Variants in NDUFC2 observed in about 807,000 individuals in gnomAD.
The protein encoded by NDUFC2 is NADH dehydrogenase [ubiquinone] 1 subunit C2.
Under a neutral mutation model 10.1 loss-of-function variants are expected in NDUFC2, and 2 were observed. The ratio of observed to expected loss-of-function variants is 0.20; its 90% confidence interval spans 0.08 to 0.62. The LOEUF is 0.62. Ranked by LOEUF, NDUFC2 falls within the 20% of genes least tolerant of loss-of-function variation. The pLI is 0.87. For synonymous variants in NDUFC2, 61 were observed against 63.6 expected (o/e 0.96, Z 0.20); for missense variants, 156 against 159.6 (o/e 0.98, Z 0.12).
rs1214317903 is a variant in NDUFC2, at chr11:78,068,992, G to T, written c.*995C>A. 1 of 151,902 alleles carries T rather than the reference G, an allele frequency of 6.6e-6. No individual in the cohort carries two copies. Among genetic ancestry groups the T allele is most frequent in the Non-Finnish European group, 1.5e-5 (1 of 68,008 alleles). The allele number at this position is 151,902 out of a possible 1,614,324, so 9.4% of individuals were successfully genotyped here. A position where few individuals can be genotyped will look rare whatever the true frequency, so the allele number is the denominator to read the frequency against. ...CATCCTCGAATTCCAGGGCTCAATA[G>T]ATCCTCCCACCTCAGCCTTATGAGT... On this transcript the variant is annotated 3_prime_UTR_variant, in exon 3 of 3. Coordinates refer to ENST00000281031, the MANE Select transcript of NDUFC2 (RefSeq NM_004549.6).
Position 78,069,597 on chromosome 11 carries a change from G to A in NDUFC2, c.*390C>T, listed in dbSNP as rs1858902244. On this transcript the variant is annotated 3_prime_UTR_variant, in exon 3 of 3. Transcript: ENST00000281031. The stretch of plus-strand genomic sequence containing the variant: ...TTCTGAAAGGGCTACATATTAATTA[G>A]GCTTTGCAGGCCATAGGTCTCTATC... 9.2e-6 allele frequency: 4 copies of A among 433,708 alleles called. No individual in the cohort carries two copies. The East Asian group carries it at 1.6e-4, about 17-fold the overall frequency. The allele number at this position is 433,708 out of a possible 1,614,324, so 26.9% of individuals were successfully genotyped here. A position where few individuals can be genotyped will look rare whatever the true frequency, so the allele number is the denominator to read the frequency against.
chr11:78,072,845 G>A lies in NDUFC2; in HGVS notation c.310+153C>T, dbSNP rs775414796. 1.7e-4 allele frequency: 185 copies of A among 1,097,576 alleles called. 1 individual carries two copies. The highest frequency in any genetic ancestry group is 2.0e-4 in the Non-Finnish European group (160 of 780,674). 68.0% of individuals were successfully genotyped at this position (1,097,576 alleles called of 1,614,324 possible). On this transcript the variant is annotated intron_variant, in intron 2 of 2. Coordinates refer to ENST00000281031, the MANE Select transcript of NDUFC2 (RefSeq NM_004549.6). Reference sequence around the variant, plus strand: ...AAGGACACGGAGGTAGTCAGAAACTGGATATATTAATTCAAGAGAATTTTG... The same window carrying A: ...AAGGACACGGAGGTAGTCAGAAACTAGATATATTAATTCAAGAGAATTTTG...
In NDUFC2 at chr11:78,071,078, T is replaced by A. The variant is rs146403804; in HGVS notation, c.311-1042A>T. On this transcript the variant is annotated intron_variant, in intron 2 of 2. Transcript: ENST00000281031. ...GGCTTTGTGCTAGTCTTTAAGCTCT[T>A]CTTTGGCAAAAAAAGAAACTGTATC... Among the ~76,000 whole-genome samples, 1,134 of 152,222 alleles carry A rather than the reference T, an allele frequency of 7.4e-3. 4 individuals carry two copies. The highest frequency in any genetic ancestry group is 0.014 in the Middle Eastern group (4 of 294).
At chr11:78,071,013 GT>G (rs1858978822) in intron 2 of NDUFC2, among the ~76,000 whole-genome samples, 1 of 152,098 alleles carries the variant, frequency 6.6e-6, no homozygotes, top group Non-Finnish European at 1.5e-5. Flanking sequence ...ACATTTAACG[GT>G]TCTGGGTATT....
rs757872828 is a variant in NDUFC2 at position 78,079,695 on chromosome 11, G to C, written c.50C>G (p.Ala17Gly). Residue 17 changes from alanine to glycine, a missense_variant, in exon 1 of 3, where the codon GCC becomes GGC. By Grantham distance (60) the Ala-to-Gly change is moderately conservative (BLOSUM62 0). Transcript: ENST00000281031. Reference sequence around the variant, plus strand: ...CAGCTTGGGCGGGGGCAGGCTCCGGGCCTCATCCGGCAGAAACCGTAAGGG... The same window carrying C: ...CAGCTTGGGCGGGGGCAGGCTCCGGCCCTCATCCGGCAGAAACCGTAAGGG... ...PEPLRFLPDE[A>G]RSLPPPKLTD... The C allele has an allele frequency of 7.5e-6, 12 of 1,610,206 alleles. No individual in the cohort carries two copies. The highest frequency in any genetic ancestry group is 1.0e-5 in the Non-Finnish European group (12 of 1,178,626).
intron 2 of NDUFC2, among the ~76,000 whole-genome samples, chr11:78,070,279 G>C (rs975070407): frequency 5.9e-5 from 9 of 152,082 alleles, no homozygotes; most frequent in African/African-American, 2.2e-4. Flanking sequence ...TCGGCTTAGG[G>C]GACCTTGTTT....
Position 78,073,069 on chromosome 11 carries a change from T to G in NDUFC2, c.239A>C (p.Tyr80Ser). The change falls in exon 2 of 3, where the codon TAC becomes TCC. Residue 80 changes from tyrosine (Y) to serine (S), a missense_variant. Physicochemically the swap from Tyr to Ser is moderately radical, Grantham distance 144. Coordinates refer to ENST00000281031, the MANE Select transcript of NDUFC2 (RefSeq NM_004549.6). The part of the protein sequence containing the change: ...AGYYLVKRED[Y>S]LYAVRDREMF... ...TTCACGGTCCCTCACAGCATACAGG[T>G]AGTCTTCACGTTTTACAAGATAATA... 1.2e-6 allele frequency: 2 copies of G among 1,614,086 alleles called. No homozygotes were observed. Among genetic ancestry groups the G allele is most frequent in the Non-Finnish European group, 1.7e-6 (2 of 1,180,014 alleles).
rs71046953 is a variant in NDUFC2 at position 78,078,728 on chromosome 11, C to CTTTT, written c.166+847_166+850dup. The stretch of plus-strand genomic sequence containing the variant: ...CCCAGACCTCATGAATCAGGATCCG[C>CTTTT]TTTTTTTTTTTTTTTGAGACAGGGT... On this transcript the variant is annotated intron_variant, in intron 1 of 2. Transcript: ENST00000281031. 1.1e-3 allele frequency among the ~76,000 whole-genome samples: 66 copies of CTTTT among 61,622 alleles called. 11 individuals are homozygous for CTTTT. Among genetic ancestry groups the CTTTT allele is most frequent in the Admixed American group, 1.5e-3 (6 of 3,912 alleles). 40.4% of individuals were successfully genotyped at this position (61,622 alleles called of 152,430 possible). A position where few individuals can be genotyped will look rare whatever the true frequency, so the allele number is the denominator to read the frequency against.
At position 78,076,266 on chromosome 11, in the gene NDUFC2, C is replaced by A. The variant is rs530228453; in HGVS notation, c.167-3125G>T. Among the ~76,000 whole-genome samples, 327 of 152,208 alleles carry A rather than the reference C, an allele frequency of 2.1e-3. 3 individuals carry two copies. Among genetic ancestry groups the A allele is most frequent in the South Asian group, 5.0e-3 (24 of 4,818 alleles). ...AAGCAATTCTCCAGCCTCTGCCTCCCGAGTAGCTGGGATTACAGGCATGTG... is the reference window on the plus strand; with the variant it reads ...AAGCAATTCTCCAGCCTCTGCCTCCAGAGTAGCTGGGATTACAGGCATGTG... On this transcript the variant is annotated intron_variant, in intron 1 of 2. Transcript: ENST00000281031.
At chr11:78,072,941 A>T in intron 2 of NDUFC2, 57 bp downstream of exon 2, 1 of 1,588,700 alleles carries the variant, frequency 6.3e-7, no homozygotes, top group Non-Finnish European at 8.5e-7. Context: ...GGATAAGATT[A>T]ACCAGGGAAA....
At position 78,079,842 on chromosome 11, in the gene NDUFC2, C is replaced by G; in HGVS notation, c.-98G>C. The stretch of plus-strand genomic sequence containing the variant: ...CGGCCTAAGCGGTCAGCTTTCTCCT[C>G]CTCCTCTGCGCGCCGGACTCACGGG... On this transcript the variant is annotated 5_prime_UTR_variant, in exon 1 of 3. Coordinates refer to ENST00000281031, the MANE Select transcript of NDUFC2 (RefSeq NM_004549.6). 1 of 1,455,274 alleles carries G rather than the reference C, an allele frequency of 6.9e-7. No homozygotes were observed. 90.1% of individuals were successfully genotyped at this position (1,455,274 alleles called of 1,614,324 possible).
intron 1 of NDUFC2, among the ~76,000 whole-genome samples, chr11:78,077,784 C>A (rs1301110075): frequency 6.6e-6 from 1 of 152,136 alleles, no homozygotes; most frequent in East Asian, 1.9e-4. Flanking sequence ...TCTTGAACTC[C>A]TGGCCTCAAG....
chr11:78,068,328 T>TAATA lies in NDUFC2; in HGVS notation c.*1655_*1658dup, dbSNP rs1482507532. ...ATAAACCTATTATTTATTGCAGAACTAATAAAAAATCCAAAGCCTTGTATT... is the reference window on the plus strand; with the variant it reads ...ATAAACCTATTATTTATTGCAGAACTAATAAATAAAAAATCCAAAGCCTTGTATT... On this transcript the variant is annotated 3_prime_UTR_variant, in exon 3 of 3. Coordinates refer to ENST00000281031, the MANE Select transcript of NDUFC2 (RefSeq NM_004549.6). 6.6e-5 allele frequency: 10 copies of TAATA among 152,204 alleles called. No individual in the cohort carries two copies. The highest frequency in any genetic ancestry group is 8.8e-5 in the Non-Finnish European group (6 of 68,036). 9.4% of individuals were successfully genotyped at this position (152,204 alleles called of 1,614,324 possible).
intron 1 of NDUFC2, among the ~76,000 whole-genome samples, chr11:78,077,332 T>C (rs994946799): frequency 6.6e-6 from 1 of 151,354 alleles, no homozygotes; most frequent in Non-Finnish European, 1.5e-5. Context: ...AATTTACAAA[T>C]ATATGGTAAA....
chr11:78,073,218 G>T (rs1241308115), intron 1 of NDUFC2, 77 bp from the exon 2 acceptor site: 4 of 1,601,286 alleles, frequency 2.5e-6, no homozygotes, highest in Non-Finnish European at 3.4e-6. Flanking sequence ...TTGGCTGGAC[G>T]CAGTGGCTCA....
chr11:78,076,289 G>A (rs1859248365), intron 1 of NDUFC2, among the ~76,000 whole-genome samples: 1 of 152,114 alleles, frequency 6.6e-6, no homozygotes, highest in Non-Finnish European at 1.5e-5. Flanking sequence ...TTACAGGCAT[G>A]TGCCATCACG....
chr11:78,074,853 G>A (rs1859173160), intron 1 of NDUFC2, among the ~76,000 whole-genome samples: 1 of 152,190 alleles, frequency 6.6e-6, no homozygotes, highest in Admixed American at 6.5e-5. Flanking sequence ...CCACTGGACT[G>A]CAGAGACACA....
intron 1 of NDUFC2, among the ~76,000 whole-genome samples, chr11:78,076,130 T>C (rs1454840462): frequency 1.4e-5 from 2 of 139,040 alleles, no homozygotes; most frequent in Middle Eastern, 3.5e-3. Context: ...CATATACTTA[T>C]TCACTCAATA....
rs200741018 is a variant in NDUFC2 at position 78,076,158 on chromosome 11, T to A, written c.167-3017A>T. 2.4e-5 allele frequency among the ~76,000 whole-genome samples: 3 copies of A among 126,840 alleles called. No individual in the cohort carries two copies. The Admixed American group carries it at 2.4e-4, about 10-fold the overall frequency. 83.2% of individuals were successfully genotyped at this position (126,840 alleles called of 152,430 possible). The stretch of plus-strand genomic sequence containing the variant: ...ACTCAATACTACTTTTTTTTTTTTT[T>A]AAAGACAGAGTCTCAGTCTGTCGCC... On this transcript the variant is annotated intron_variant, in intron 1 of 2. Coordinates refer to ENST00000281031, the MANE Select transcript of NDUFC2 (RefSeq NM_004549.6).
Sources: allele counts gnomAD v4.1 joint callset (sites outside exome capture counted in the v4.1 genomes callset), GRCh38; gene constraint gnomAD v4.1.1; transcripts MANE v1.5; gene names NCBI Gene and HGNC (gene_info 2026-07-23, HGNC 2026-07-21).